The following ZBTB2 variants were observed in gnomAD, a reference collection of about 807,000 sequenced individuals.
ZBTB2 encodes zinc finger and BTB domain-containing protein 2.
Under a neutral mutation model 39.5 loss-of-function variants are expected in ZBTB2, and 2 were observed. The observed-to-expected ratio is 0.05, with a 90% CI of 0.02 to 0.16. The LOEUF is 0.16. Among genes scored for constraint, ZBTB2 ranks in the 10% least tolerant of loss-of-function variants. ZBTB2 has a pLI of 1.00. For missense variants in ZBTB2, 391 were observed against 653.0 expected (o/e 0.60, Z 4.37); for synonymous variants, 251 against 256.6 (o/e 0.98, Z 0.21).
At chr6:151,384,175 G>C (rs1330419174) in intron 1 of ZBTB2, among the ~76,000 whole-genome samples, 1 of 152,198 alleles carries the variant, frequency 6.6e-6, no homozygotes, top group African/African-American at 2.4e-5. Flanking sequence ...TTTCTGAATA[G>C]TGCTTTATAA....
intron 1 of ZBTB2, among the ~76,000 whole-genome samples, chr6:151,391,128 G>A (rs1364532172): frequency 6.7e-6 from 1 of 150,114 alleles, no homozygotes; most frequent in Non-Finnish European, 1.5e-5. Context: ...TGGCTCCGGG[G>A]GATGGTTTTG....
intron 1 of ZBTB2, among the ~76,000 whole-genome samples, chr6:151,390,302 G>A (rs1447745349): frequency 8.5e-5 from 12 of 141,626 alleles, no homozygotes; most frequent in Non-Finnish European, 1.7e-4. Context: ...GGCCGGGGGC[G>A]CGGCGCCGGG....
In ZBTB2 at chr6:151,373,843, TAAA is replaced by T. The variant is rs200070063; in HGVS notation, c.-12-197_-12-195del. 1.6e-3 allele frequency among the ~76,000 whole-genome samples: 73 copies of T among 45,992 alleles called. 3 individuals are homozygous for T. The highest frequency in any genetic ancestry group is 4.2e-3 in the African/African-American group (67 of 15,936). The allele number at this position is 45,992 out of a possible 152,430, so 30.2% of individuals were successfully genotyped here. On this transcript the variant is annotated intron_variant, in intron 1 of 2. Coordinates refer to ENST00000325144, the MANE Select transcript of ZBTB2 (RefSeq NM_020861.3). ...TGAAGTAGTTATGTCATTATGCCTTTAAAAAAAAAAAAAAAAAAAAAAAAAAAA... is the reference window on the plus strand; with the variant it reads ...TGAAGTAGTTATGTCATTATGCCTTTAAAAAAAAAAAAAAAAAAAAAAAAA...
At position 151,366,529 on chromosome 6, in the gene ZBTB2, C is replaced by G; in HGVS notation, c.537G>C (p.Gln179His). The G allele has an allele frequency of 6.2e-7, 1 of 1,614,078 alleles. No individual in the cohort carries two copies. The highest frequency in any genetic ancestry group is 8.5e-7 in the Non-Finnish European group (1 of 1,180,026). ...TCACCTGGGCCAGATTTGAAGTCAG[C>G]TGGGAGAGCTGTGAGGCCTCAGGGA... ...EQVPEASQLS[Q>H]LTSNLAQVNR... is the part of the protein sequence containing the mutation. The change falls in exon 3 of 3, where the codon CAG becomes CAC. Residue 179 changes from glutamine to histidine, a missense_variant. Around this residue, in one of 7 missense-constraint regions of ZBTB2, gnomAD observed 175 missense variants for 198.6 expected, o/e 0.88. Transcript: ENST00000325144. The surrounding 1 kb of genome is among the most constrained non-coding windows in gnomAD (Gnocchi z 7.1).
intron 1 of ZBTB2, 99 bp from the exon 2 acceptor site, chr6:151,373,748 A>AC: frequency 8.9e-7 from 1 of 1,124,062 alleles, no homozygotes; most frequent in Admixed American, 2.6e-5. Flanking sequence ...ACATGTCATC[A>AC]TAGCTAACGT....
chr6:151,365,484 T>G lies in ZBTB2; in HGVS notation c.*37A>C. Reference sequence around the variant, plus strand: ...CAGGGAAGGGAGGGAAGATAGTCTTTGTAAAAATGAGAGTTTTTTAAAAAG... The same window carrying G: ...CAGGGAAGGGAGGGAAGATAGTCTTGGTAAAAATGAGAGTTTTTTAAAAAG... On this transcript the variant is annotated 3_prime_UTR_variant, in exon 3 of 3. Transcript: ENST00000325144. This position sits in a 1 kb window ranked among gnomAD's most constrained non-coding sequence, Gnocchi z 5.6. The G allele has an allele frequency of 6.4e-7, 1 of 1,561,206 alleles. No homozygotes were observed. The highest frequency in any genetic ancestry group is 8.6e-7 in the Non-Finnish European group (1 of 1,156,290).
chr6:151,379,734 TCTCA>T lies in ZBTB2; in HGVS notation c.-12-6089_-12-6086del, dbSNP rs2114871293. Among the ~76,000 whole-genome samples, 2 of 152,166 alleles carry T rather than the reference TCTCA, an allele frequency of 1.3e-5. 1 individual carries two copies. The highest frequency in any genetic ancestry group is 2.9e-5 in the Non-Finnish European group (2 of 68,014). On this transcript the variant is annotated intron_variant, in intron 1 of 2. Coordinates refer to ENST00000325144, the MANE Select transcript of ZBTB2 (RefSeq NM_020861.3). ...TGTGTCACATATGTTCTAATAATTT[TCTCA>T]CTTTCTTTGCATTTGTTTATAGAGA...
chr6:151,383,758 GA>G (rs968535331), intron 1 of ZBTB2, among the ~76,000 whole-genome samples: 52 of 152,126 alleles, frequency 3.4e-4, no homozygotes, highest in African/African-American at 1.2e-3. Flanking sequence ...CAGACAGACA[GA>G]CAGGCAGACA....
chr6:151,365,676 C>A lies in ZBTB2; in HGVS notation c.1390G>T (p.Val464Phe). The A allele has an allele frequency of 6.2e-7, 1 of 1,614,224 alleles. No individual in the cohort carries two copies. The highest frequency in any genetic ancestry group is 8.5e-7 in the Non-Finnish European group (1 of 1,180,052). Residue 464 changes from valine to phenylalanine, a missense_variant, in exon 3 of 3, where the codon GTT becomes TTT. By Grantham distance (50) the Val-to-Phe change is conservative (BLOSUM62 -1). Transcript: ENST00000325144. This position sits in a 1 kb window ranked among gnomAD's most constrained non-coding sequence, Gnocchi z 5.6. Reference sequence around the variant, plus strand: ...TTCTGGTTTTGGCATGAATGTTTAACAACCTCATTGGGAGTGGAGAATGTT... The same window carrying A: ...TTCTGGTTTTGGCATGAATGTTTAAAAACCTCATTGGGAGTGGAGAATGTT... The part of the protein sequence containing the change: ...DKTFSTPNEV[V>F]KHSCQNQNSD...
At chr6:151,383,417 A>C (rs1779084640) in intron 1 of ZBTB2, among the ~76,000 whole-genome samples, 1 of 152,170 alleles carries the variant, frequency 6.6e-6, no homozygotes, top group South Asian at 2.1e-4. Flanking sequence ...TTGTTTTGAA[A>C]TACAAGGATT....
intron 2 of ZBTB2, among the ~76,000 whole-genome samples, chr6:151,368,609 A>C (rs561259654): frequency 6.6e-6 from 1 of 151,570 alleles, no homozygotes; most frequent in Admixed American, 6.6e-5. Context: ...GTGTGCCACC[A>C]GTCCCGGCTA....
chr6:151,373,870 A>AAAAAAAAAAAAC (rs1778843577), intron 1 of ZBTB2, among the ~76,000 whole-genome samples: 2 of 123,602 alleles, frequency 1.6e-5, no homozygotes, highest in African/African-American at 3.5e-5. Context: ...AAAAAAAAAA[A>AAAAAAAAAAAAC]AAAAAAACCA....
At chr6:151,383,754 G>A (rs1779092179) in intron 1 of ZBTB2, among the ~76,000 whole-genome samples, 1 of 152,044 alleles carries the variant, frequency 6.6e-6, no homozygotes, top group East Asian at 1.9e-4. Flanking sequence ...GAGACAGACA[G>A]ACAGACAGGC....
At chr6:151,369,925 C>A (rs537203284) in intron 2 of ZBTB2, among the ~76,000 whole-genome samples, 6 of 151,340 alleles carry the variant, frequency 4.0e-5, no homozygotes, top group Non-Finnish European at 8.8e-5. Flanking sequence ...AACAAACAAA[C>A]AAACAAAAAA....
At chr6:151,389,895 T>C (rs1251683600) in intron 1 of ZBTB2, among the ~76,000 whole-genome samples, 1 of 152,144 alleles carries the variant, frequency 6.6e-6, no homozygotes, top group Non-Finnish European at 1.5e-5. Flanking sequence ...CCAGCTTCCT[T>C]TGCAGCTTCT....
intron 1 of ZBTB2, among the ~76,000 whole-genome samples, chr6:151,391,011 C>A (rs1308211568): frequency 7.0e-6 from 1 of 143,378 alleles, no homozygotes; most frequent in African/African-American, 2.6e-5. Context: ...CCCCCCTCCC[C>A]TTCCTCCCTC....
intron 2 of ZBTB2, among the ~76,000 whole-genome samples, chr6:151,371,528 G>A (rs1778788960): frequency 6.6e-6 from 1 of 152,182 alleles, no homozygotes; most frequent in African/African-American, 2.4e-5. Flanking sequence ...TGCGGTCCAG[G>A]TGAGCTGAAG....
At chr6:151,390,676 A>AGCGGCAGCAGCTGTAGGAGCC (rs1212279223) in intron 1 of ZBTB2, among the ~76,000 whole-genome samples, 5 of 151,592 alleles carry the variant, frequency 3.3e-5, no homozygotes, top group South Asian at 2.1e-4. Context: ...CCGCAGCAGT[A>AGCGGCAGCAGCTGTAGGAGCC]GCGGCAGCAG....
chr6:151,378,148 T>C (rs1778957505), intron 1 of ZBTB2: 1 of 152,164 alleles, frequency 6.6e-6, no homozygotes, highest in Non-Finnish European at 1.5e-5. Context: ...TACTCTCCCT[T>C]CCTGCTCTAG....
Sources: gnomAD v4.1 joint callset for allele counts (sites outside exome capture counted in the v4.1 genomes callset) on GRCh38, gnomAD v4.1.1 for gene constraint, gnomAD v4.1.1 regional missense constraint, Gnocchi (gnomAD v3.1) non-coding constraint, MANE v1.5 for transcripts, NCBI Gene and HGNC (gene_info 2026-07-23, HGNC 2026-07-21) for gene names.